Variants in ST3GAL2 observed in about 807,000 individuals in gnomAD.
The protein encoded by ST3GAL2 is CMP-N-acetylneuraminate-beta-galactosamide-alpha-2,3-sialyltransferase 2.
In ST3GAL2, 16 loss-of-function variants were observed where a neutral mutation model predicts 37.5. That is an observed-to-expected ratio of 0.43 (90% CI 0.29 to 0.65). The LOEUF is 0.65. Ranked by LOEUF, ST3GAL2 falls within the 30% of genes least tolerant of loss-of-function variation. The pLI is 0.17. For missense variants in ST3GAL2, 383 were observed against 487.8 expected (o/e 0.79, Z 2.02); for synonymous variants, 238 against 202.9 (o/e 1.17, Z -1.47).
intron 1 of ST3GAL2, among the ~76,000 whole-genome samples, chr16:70,418,992 C>T (rs912902021): frequency 3.3e-5 from 5 of 152,154 alleles, no homozygotes; most frequent in Admixed American, 6.5e-5. Flanking sequence ...CCTAAAGGGC[C>T]CAACCCGGGC....
Position 70,398,245 on chromosome 16 carries a change from C to T in ST3GAL2, c.286G>A (p.Val96Ile), listed in dbSNP as rs201671366. Reference protein sequence around the residue: ...DSHFDGNISPVWTRENMDLPP... With the variant: ...DSHFDGNISPIWTRENMDLPP... The stretch of plus-strand genomic sequence containing the variant: ...AGATCCATGTTCTCTCGGGTCCAGA[C>T]GGGGGAAATGTTACCGTCAAAGTGG... The change falls in exon 2 of 7, where the codon GTC becomes ATC. Residue 96 changes from valine to isoleucine, a missense_variant. Transcript: ENST00000342907. The T allele has an allele frequency of 2.9e-5, 47 of 1,613,450 alleles. No individual in the cohort carries two copies. The East Asian group carries it at 4.7e-4, about 16-fold the overall frequency.
At chr16:70,418,894 C>A (rs955987290) in intron 1 of ST3GAL2, among the ~76,000 whole-genome samples, 2 of 152,148 alleles carry the variant, frequency 1.3e-5, no homozygotes, top group Non-Finnish European at 1.5e-5. Context: ...GGCAACAGAG[C>A]CCCCCACACC....
rs1597563372 is a variant in ST3GAL2, at chr16:70,399,669, C to A, written c.-1003-136G>T. The A allele has an allele frequency of 1.6e-5, 6 of 380,830 alleles. No homozygotes were observed. The East Asian group carries it at 2.3e-4, about 14-fold the overall frequency. 23.6% of individuals were successfully genotyped at this position (380,830 alleles called of 1,614,324 possible). A position where few individuals can be genotyped will look rare whatever the true frequency, so the allele number is the denominator to read the frequency against. On this transcript the variant is annotated intron_variant, in intron 1 of 6. Transcript: ENST00000342907. ...ATCAGAGGGTGGACATGACCAAGGGCTCTGCCCTCTAGCTGCACAGATAGC... is the reference window on the plus strand; with the variant it reads ...ATCAGAGGGTGGACATGACCAAGGGATCTGCCCTCTAGCTGCACAGATAGC...
intron 1 of ST3GAL2, among the ~76,000 whole-genome samples, chr16:70,418,578 C>T (rs2047691508): frequency 6.6e-6 from 1 of 152,136 alleles, no homozygotes; most frequent in South Asian, 2.1e-4. Flanking sequence ...ACTTACAGCC[C>T]CGCTCGGCGA....
At chr16:70,401,308 C>T (rs534703399) in intron 1 of ST3GAL2, among the ~76,000 whole-genome samples, 4 of 152,142 alleles carry the variant, frequency 2.6e-5, no homozygotes, top group Non-Finnish European at 5.9e-5. Flanking sequence ...TCTAGATCAA[C>T]GCAGGGGGCA....
intron 1 of ST3GAL2, among the ~76,000 whole-genome samples, chr16:70,435,186 T>TC (rs2047816674): frequency 6.6e-6 from 1 of 151,544 alleles, no homozygotes. Context: ...TGGGGCAGTG[T>TC]CCCCCCAGTC....
chr16:70,411,480 A>G (rs947799529), intron 1 of ST3GAL2, among the ~76,000 whole-genome samples: 2 of 152,042 alleles, frequency 1.3e-5, no homozygotes, highest in Non-Finnish European at 2.9e-5. Context: ...GGGTGATGAT[A>G]TAATGTCTGG....
chr16:70,388,688 C>G (rs887669888), intron 3 of ST3GAL2, 142 bp from the exon 4 acceptor site: 1 of 913,640 alleles, frequency 1.1e-6, no homozygotes, highest in African/African-American at 1.7e-5. Context: ...GAAATCTGCC[C>G]TATAAAAATG....
chr16:70,424,254 C>A (rs1412440221), intron 1 of ST3GAL2, among the ~76,000 whole-genome samples: 1 of 147,614 alleles, frequency 6.8e-6, no homozygotes, highest in Non-Finnish European at 1.5e-5. Flanking sequence ...CTCGGCCTCC[C>A]AAAGTGCTGG....
Position 70,382,880 on chromosome 16 carries a change from C to T in ST3GAL2, c.804G>A (p.Arg268=). 1.2e-6 allele frequency: 2 copies of T among 1,614,098 alleles called. No homozygotes were observed. Among genetic ancestry groups the T allele is most frequent in the Non-Finnish European group, 1.7e-6 (2 of 1,179,980 alleles). The change falls in exon 6 of 7, where the codon AGG becomes AGA. Residue 268 remains arginine, a synonymous_variant. Transcript: ENST00000342907. ...GGTACCGCCCGTGATGCTCTGTCCA[C>T]CTGTCGTGGATATACTTGAAGAAGG... ...NPAFFKYIHD[R]WTEHHGRYPS... is the part of the protein sequence containing the mutation.
chr16:70,429,721 A>C (rs1476313905), intron 1 of ST3GAL2, among the ~76,000 whole-genome samples: 2 of 137,444 alleles, frequency 1.5e-5, no homozygotes, highest in Non-Finnish European at 3.1e-5. Flanking sequence ...GGCTCACTGT[A>C]ACCTCCACCT....
chr16:70,393,290 C>T (rs1028254943), intron 3 of ST3GAL2, among the ~76,000 whole-genome samples: 1 of 152,092 alleles, frequency 6.6e-6, no homozygotes, highest in Non-Finnish European at 1.5e-5. Context: ...GTTGTCCAGG[C>T]TAGTCTCGAA....
chr16:70,415,083 C>T (rs901600731), intron 1 of ST3GAL2, among the ~76,000 whole-genome samples: 9 of 152,098 alleles, frequency 5.9e-5, no homozygotes, highest in Non-Finnish European at 8.8e-5. Flanking sequence ...ACCGTGTTAG[C>T]CAGGATGGTC....
At chr16:70,398,080 C>G in intron 2 of ST3GAL2, 112 bp downstream of exon 2, 2 of 1,118,798 alleles carry the variant, frequency 1.8e-6, no homozygotes. Context: ...CTATAAATGG[C>G]TTGGTCAAAC....
chr16:70,389,065 C>T (rs1414237255), intron 3 of ST3GAL2, among the ~76,000 whole-genome samples: 1 of 122,794 alleles, frequency 8.1e-6, no homozygotes, highest in African/African-American at 3.4e-5. Context: ...CAGAACAAGA[C>T]TCTTGTCTCC....
At position 70,398,862 on chromosome 16, in the gene ST3GAL2, C is replaced by T; in HGVS notation, c.-332G>A. The T allele has an allele frequency of 6.2e-6, 3 of 483,290 alleles. No homozygotes were observed. Among genetic ancestry groups the T allele is most frequent in the Non-Finnish European group, 7.3e-6 (2 of 275,494 alleles). The allele number at this position is 483,290 out of a possible 1,614,324, so 29.9% of individuals were successfully genotyped here. The stretch of plus-strand genomic sequence containing the variant: ...TCAGTCCATTGCAGCCCTCTAGTCC[C>T]TTGGGATTGCTGGCTGCCAGCTCTA... On this transcript the variant is annotated 5_prime_UTR_variant, in exon 2 of 7. Coordinates refer to ENST00000342907, the MANE Select transcript of ST3GAL2 (RefSeq NM_006927.4).
chr16:70,390,077 C>T (rs750677046), intron 3 of ST3GAL2, among the ~76,000 whole-genome samples: 14 of 151,552 alleles, frequency 9.2e-5, no homozygotes, highest in Middle Eastern at 3.4e-3. Context: ...TGAGCCACCA[C>T]GCTCGGCCCT....
At chr16:70,383,494 G>T (rs1180283350) in intron 4 of ST3GAL2, among the ~76,000 whole-genome samples, 2 of 148,232 alleles carry the variant, frequency 1.3e-5, no homozygotes, top group Non-Finnish European at 1.5e-5. Flanking sequence ...TGAGGTTTCA[G>T]TGCGCCGAGA....
intron 1 of ST3GAL2, among the ~76,000 whole-genome samples, chr16:70,416,833 C>A (rs766771741): frequency 2.6e-5 from 4 of 151,958 alleles, no homozygotes; most frequent in African/African-American, 9.7e-5. Flanking sequence ...GGTGCCTGGA[C>A]GACGGCAGGG....
Sources: gnomAD v4.1 joint callset for allele counts (sites outside exome capture counted in the v4.1 genomes callset) on GRCh38, gnomAD v4.1.1 for gene constraint, MANE v1.5 for transcripts, NCBI Gene and HGNC (gene_info 2026-07-23, HGNC 2026-07-21) for gene names.